SORCS1: variants seen among roughly 807,000 people sequenced by gnomAD.
The protein encoded by SORCS1 is sortilin related VPS10 domain containing receptor 1, also known as VPS10 domain-containing receptor SorCS1.
Under a neutral mutation model 146.1 loss-of-function variants are expected in SORCS1, and 60 were observed. That is an observed-to-expected ratio of 0.41 (90% CI 0.33 to 0.51). The LOEUF is 0.51. Among genes scored for constraint, SORCS1 ranks in the 20% least tolerant of loss-of-function variants. SORCS1 has a pLI of 0.21. For synonymous variants in SORCS1, 637 were observed against 584.0 expected (o/e 1.09, Z -1.31); for missense variants, 1,352 against 1,487.6 (o/e 0.91, Z 1.50).
intron 2 of SORCS1, among the ~76,000 whole-genome samples, chr10:106,908,308 G>C (rs546534753): frequency 6.6e-6 from 1 of 152,088 alleles, no homozygotes; most frequent in Non-Finnish European, 1.5e-5. Flanking sequence ...TCTTAAATAC[G>C]GGTTAGGAGT....
intron 21 of SORCS1, among the ~76,000 whole-genome samples, chr10:106,616,515 C>T (rs1036913993): frequency 6.6e-6 from 1 of 152,062 alleles, no homozygotes; most frequent in African/African-American, 2.4e-5. Context: ...TAAATGCATT[C>T]CCAGCACCCA....
intron 3 of SORCS1, among the ~76,000 whole-genome samples, chr10:106,800,133 G>C (rs558355628): frequency 1.9e-4 from 29 of 152,120 alleles, no homozygotes; most frequent in African/African-American, 6.3e-4. Context: ...GCTACAGCTG[G>C]ATATGTTGTC....
chr10:107,148,082 G>A (rs1238749315), intron 1 of SORCS1, among the ~76,000 whole-genome samples: 10 of 152,276 alleles, frequency 6.6e-5, no homozygotes, highest in East Asian at 1.9e-4. Context: ...GGGCAGGGAC[G>A]GAAAATAAAT....
chr10:107,172,829 T>C, the SORCS1 span, among the ~76,000 whole-genome samples: 1 of 152,150 alleles, frequency 6.6e-6, no homozygotes, highest in Non-Finnish European at 1.5e-5. Context: ...AGGCAAAACA[T>C]CATCAACTGA....
intron 24 of SORCS1, among the ~76,000 whole-genome samples, chr10:106,591,927 G>T (rs1845628062): frequency 6.6e-6 from 1 of 152,158 alleles, no homozygotes; most frequent in African/African-American, 2.4e-5. Context: ...CGTACACTTT[G>T]GTCAAGACAG....
At chr10:106,584,557 A>G (rs1207287607) in intron 24 of SORCS1, among the ~76,000 whole-genome samples, 1 of 152,250 alleles carries the variant, frequency 6.6e-6, no homozygotes, top group Non-Finnish European at 1.5e-5. Flanking sequence ...AATTATCCAA[A>G]GAAGGCTATT....
At chr10:106,657,210 C>T (rs1043093378) in intron 17 of SORCS1, among the ~76,000 whole-genome samples, 1 of 152,076 alleles carries the variant, frequency 6.6e-6, no homozygotes, top group Non-Finnish European at 1.5e-5. Context: ...AACTTAAGTG[C>T]CTATCAGCTG....
At chr10:106,940,997 G>C (rs916695520) in intron 2 of SORCS1, among the ~76,000 whole-genome samples, 1 of 152,168 alleles carries the variant, frequency 6.6e-6, no homozygotes. Context: ...AGCTCGACTG[G>C]TTCAGATCTC....
intron 2 of SORCS1, among the ~76,000 whole-genome samples, chr10:106,854,213 C>A (rs1464593743): frequency 6.6e-6 from 1 of 151,998 alleles, no homozygotes; most frequent in Non-Finnish European, 1.5e-5. Flanking sequence ...CCCCTCTTTA[C>A]CCTGATAATT....
At chr10:107,178,348 AT>A in the SORCS1 span, among the ~76,000 whole-genome samples, 10 of 152,038 alleles carry the variant, frequency 6.6e-5, no homozygotes, top group East Asian at 1.9e-4. Context: ...CATGAGATTA[AT>A]TTTTTAAGCT....
intron 1 of SORCS1, among the ~76,000 whole-genome samples, chr10:107,133,952 G>A (rs532482878): frequency 7.9e-5 from 12 of 152,300 alleles, no homozygotes; most frequent in East Asian, 3.9e-4. Flanking sequence ...GAAAACATAT[G>A]CAGAACTACA....
At chr10:106,655,130 A>T (rs1222171066) in intron 17 of SORCS1, among the ~76,000 whole-genome samples, 1 of 152,152 alleles carries the variant, frequency 6.6e-6, no homozygotes, top group Non-Finnish European at 1.5e-5. Context: ...GTGCTGACTA[A>T]AGACATGAGC....
chr10:106,652,366 T>A lies in SORCS1; in HGVS notation c.2475+16A>T. 5 of 1,587,498 alleles carry A rather than the reference T, an allele frequency of 3.1e-6. No homozygotes were observed. Among genetic ancestry groups the A allele is most frequent in the Non-Finnish European group, 4.3e-6 (5 of 1,160,088 alleles). On this transcript the variant is annotated intron_variant, in intron 18 of 25. Coordinates refer to ENST00000263054, the MANE Select transcript of SORCS1 (RefSeq NM_052918.5). ...CTGGCCCTAGAAAGTAGGGGGGAGA[T>A]AGGAATCAGTCCTACCTCTTCTAAT...
intron 2 of SORCS1, among the ~76,000 whole-genome samples, chr10:106,870,371 A>T (rs1372462770): frequency 2.0e-5 from 3 of 152,168 alleles, no homozygotes; most frequent in Non-Finnish European, 2.9e-5. Flanking sequence ...AAGGGGCTCA[A>T]ATAGCCCAGG....
chr10:106,612,053 T>G (rs780436117), intron 21 of SORCS1, 30 bp from the exon 22 acceptor site: 1 of 1,523,368 alleles, frequency 6.6e-7, no homozygotes, highest in Non-Finnish European at 9.1e-7. Flanking sequence ...TGGAGTACTA[T>G]AAGTCAAATA....
At chr10:106,786,937 G>A (rs985972414) in intron 3 of SORCS1, among the ~76,000 whole-genome samples, 1 of 152,172 alleles carries the variant, frequency 6.6e-6, no homozygotes, top group Non-Finnish European at 1.5e-5. Context: ...TAAGGTAAGT[G>A]TATTTATTGA....
intron 25 of SORCS1, 145 bp downstream of exon 25, chr10:106,579,224 G>A: frequency 6.2e-7 from 1 of 1,614,004 alleles, no homozygotes; most frequent in Non-Finnish European, 8.5e-7. Context: ...TCTGCATCTG[G>A]GCATAAACAT....
chr10:106,727,085 CAA>C (rs1255567074), intron 6 of SORCS1, among the ~76,000 whole-genome samples: 2,166 of 101,640 alleles, frequency 0.021, 50 homozygotes, highest in African/African-American at 0.07. Flanking sequence ...GACTCTGTCT[CAA>C]AAAAAAAAAA....
intron 1 of SORCS1, among the ~76,000 whole-genome samples, chr10:107,008,154 A>C (rs977238753): frequency 1.3e-5 from 2 of 152,190 alleles, no homozygotes; most frequent in Admixed American, 1.3e-4. Context: ...ACGATTCTTC[A>C]TCTAGTGCCA....
Sources: gnomAD v4.1 joint callset for allele counts (sites outside exome capture counted in the v4.1 genomes callset) on GRCh38, gnomAD v4.1.1 for gene constraint, MANE v1.5 for transcripts, NCBI Gene and HGNC (gene_info 2026-07-23, HGNC 2026-07-21) for gene names.